The following SLC16A8 variants were observed in gnomAD, a reference collection of about 807,000 sequenced individuals.
The protein encoded by SLC16A8 is solute carrier family 16 member 8.
A neutral mutation model predicts 22.4 loss-of-function variants in SLC16A8; 20 were observed. The observed-to-expected ratio is 0.89, with a 90% confidence interval of 0.63 to 1.30. The LOEUF (loss-of-function observed/expected upper bound fraction) is 1.30, where lower values mean the gene tolerates loss of function less well. Among genes scored for constraint, SLC16A8 ranks in the 50% most tolerant of loss-of-function variants. The pLI is 0.00. For missense variants in SLC16A8, 817 were observed against 740.3 expected (o/e 1.10, Z -1.20); for synonymous variants, 393 against 358.8 (o/e 1.10, Z -1.08).
At position 38,084,037 on chromosome 22, in the gene SLC16A8, C is replaced by G. The variant is rs2085963332; in HGVS notation, c.-378G>C. The G allele has an allele frequency of 6.5e-6, 1 of 152,672 alleles. No individual in the cohort carries two copies. The highest frequency in any genetic ancestry group is 1.5e-5 in the Non-Finnish European group (1 of 68,420). 9.5% of individuals were successfully genotyped at this position (152,672 alleles called of 1,614,324 possible). A position where few individuals can be genotyped will look rare whatever the true frequency, so the allele number is the denominator to read the frequency against. ...GGTCCAGCCTCACATCTCCTGAGGC[C>G]TGCAGGGAGGGGCCGCCGCCGCAGC... On this transcript the variant is annotated 5_prime_UTR_variant, in exon 1 of 6. Transcript: ENST00000681075.
intron 4 of SLC16A8, 50 bp from the exon 5 acceptor site, chr22:38,081,729 GC>G (rs949131063): frequency 2.7e-6 from 4 of 1,461,014 alleles, no homozygotes; most frequent in African/African-American, 2.9e-5. Context: ...CCCCTCCCTG[GC>G]CCCCACAGGA....
At chr22:38,079,953 G>A (rs559037488) in intron 5 of SLC16A8, among the ~76,000 whole-genome samples, 1 of 152,312 alleles carries the variant, frequency 6.6e-6, no homozygotes, top group Admixed American at 6.5e-5. Context: ...AGAGCTCAGT[G>A]AGGGCACTCG....
Position 38,078,541 on chromosome 22 carries a change from A to T in SLC16A8, c.1362T>A (p.Thr454=). The change falls in exon 6 of 6, where the codon ACT becomes ACA. Residue 454 remains threonine (T), a synonymous_variant. Transcript: ENST00000681075. ...AGTCCCCTTCAGCCTCAGCGTCCTC[A>T]GTGTCACTGGCTCCGCCCTCAGTGC... ...GPGTEGGASD[T]EDAEAEGDSE... 6.2e-7 allele frequency: 1 copy of T among 1,614,166 alleles called. No homozygotes were observed. Among genetic ancestry groups the T allele is most frequent in the Non-Finnish European group, 8.5e-7 (1 of 1,180,028 alleles).
At chr22:38,079,489 T>A (rs1450328599) in intron 5 of SLC16A8, among the ~76,000 whole-genome samples, 1 of 152,206 alleles carries the variant, frequency 6.6e-6, no homozygotes, top group African/African-American at 2.4e-5. Context: ...TGGTGCCATC[T>A]TGGCTCACTG....
Position 38,082,831 on chromosome 22 carries a change from C to G in SLC16A8, c.43G>C (p.Gly15Arg). Residue 15 changes from glycine to arginine, a missense_variant, in exon 3 of 6, where the codon GGC (glycine) becomes CGC (arginine). Transcript: ENST00000681075. ...CCCAGCACCACCCAGCCCCAGCCGC[C>G]GTCTGGGGGGCCCTCGCCCCGCCGG... ...GPRRGEGPPD[G>R]GWGWVVLGAC... 6.3e-7 allele frequency: 1 copy of G among 1,575,768 alleles called. No homozygotes were observed. Among genetic ancestry groups the G allele is most frequent in the Non-Finnish European group, 8.6e-7 (1 of 1,165,514 alleles).
Position 38,081,249 on chromosome 22 carries a change from C to A in SLC16A8, c.789G>T (p.Met263Ile). The change falls in exon 5 of 6, where the codon ATG becomes ATT. Residue 263 changes from methionine to isoleucine, a missense_variant. Transcript: ENST00000681075. ...FAVYAVTKFL[M>I]ALGLFVPAIL... ...TGGCGGGGACGAAGAGCCCGAGCGC[C>A]ATCAGGAACTTGGTGACGGCGTACA... The A allele has an allele frequency of 6.3e-7, 1 of 1,586,666 alleles. No individual in the cohort carries two copies. Among genetic ancestry groups the A allele is most frequent in the Non-Finnish European group, 8.6e-7 (1 of 1,167,050 alleles).
chr22:38,083,633 C>T lies in SLC16A8; in HGVS notation c.-328-272G>A, dbSNP rs116169096. Among the ~76,000 whole-genome samples the T allele has an allele frequency of 3.4e-3, 522 of 152,352 alleles. 6 individuals are homozygous for T. Among genetic ancestry groups the T allele is most frequent in the African/African-American group, 0.012 (491 of 41,586 alleles). The stretch of plus-strand genomic sequence containing the variant: ...AGCACTGAGAGAGTGGCCTTCTGCC[C>T]TCCAAACCTCAAACCCTCTATATGA... On this transcript the variant is annotated intron_variant, in intron 1 of 5. Coordinates refer to ENST00000681075, the MANE Select transcript of SLC16A8 (RefSeq NM_013356.3).
At chr22:38,079,951 G>A (rs2085892417) in intron 5 of SLC16A8, among the ~76,000 whole-genome samples, 1 of 152,182 alleles carries the variant, frequency 6.6e-6, no homozygotes, top group Non-Finnish European at 1.5e-5. Context: ...ACAGAGCTCA[G>A]TGAGGGCACT....
intron 5 of SLC16A8, 65 bp from the exon 6 acceptor site, chr22:38,078,769 C>T: frequency 6.9e-7 from 1 of 1,453,822 alleles, no homozygotes. Flanking sequence ...CACTCTCCTG[C>T]ACTCTCAGGT....
intron 5 of SLC16A8, among the ~76,000 whole-genome samples, chr22:38,080,500 G>A (rs765756854): frequency 4.9e-4 from 75 of 152,130 alleles, no homozygotes; most frequent in Non-Finnish European, 5.1e-4. Flanking sequence ...CTCTCATTCT[G>A]GGGCTGCAAC....
In SLC16A8 at chr22:38,081,096, A is replaced by ACGCGCCAGG. The variant is rs1049681587; in HGVS notation, c.933_941dup (p.Ala313_Leu315dup). 1.9e-6 allele frequency: 3 copies of ACGCGCCAGG among 1,557,296 alleles called. No homozygotes were observed. Among genetic ancestry groups the ACGCGCCAGG allele is most frequent in the African/African-American group, 2.7e-5 (2 of 73,744 alleles). On this transcript the variant is annotated inframe_insertion, in exon 5 of 6. Coordinates refer to ENST00000681075, the MANE Select transcript of SLC16A8 (RefSeq NM_013356.3). ...ACAGATACGGGACGTGCGGCCGCAGACGCGCCAGGCCCGCCAGGGCGCCGC... is the reference window on the plus strand; with the variant it reads ...ACAGATACGGGACGTGCGGCCGCAGACGCGCCAGGCGCGCCAGGCCCGCCAGGGCGCCGC...
chr22:38,083,473 G>A (rs2145902773), intron 1 of SLC16A8, 112 bp from the exon 2 acceptor site: 1 of 152,492 alleles, frequency 6.6e-6, no homozygotes, highest in African/African-American at 2.4e-5. Flanking sequence ...CCTGACTTGG[G>A]CCGGTCGCCT....
Position 38,081,996 on chromosome 22 carries a change from C to G in SLC16A8, c.251G>C (p.Cys84Ser). The change falls in exon 4 of 6, where the codon TGT becomes TCT. Residue 84 changes from cysteine (C) to serine (S), a missense_variant. Cys to Ser is a moderately radical substitution (Grantham distance 112). Coordinates refer to ENST00000681075, the MANE Select transcript of SLC16A8 (RefSeq NM_013356.3). ...CCCACCCGCCAGCATCACCGGGCGA[C>G]AGCCAAAGCGGGTCACGAGGATGCT... ...VSSILVTRFG[C>S]RPVMLAGGLL... The G allele has an allele frequency of 5.1e-6, 8 of 1,577,550 alleles. No homozygotes were observed. The highest frequency in any genetic ancestry group is 6.9e-6 in the Non-Finnish European group (8 of 1,162,132).
At position 38,078,291 on chromosome 22, in the gene SLC16A8, G is replaced by A; in HGVS notation, c.*97C>T. The A allele has an allele frequency of 2.4e-6, 3 of 1,230,802 alleles. No homozygotes were observed. The South Asian group carries it at 4.3e-5, about 18-fold the overall frequency. The allele number at this position is 1,230,802 out of a possible 1,614,324, so 76.2% of individuals were successfully genotyped here. On this transcript the variant is annotated 3_prime_UTR_variant, in exon 6 of 6. Coordinates refer to ENST00000681075, the MANE Select transcript of SLC16A8 (RefSeq NM_013356.3). ...TGGAGCCCAGACGTGGACCCCGGGAGTGACCACCCCAGACCAGCCTCCCAG... is the reference window on the plus strand; with the variant it reads ...TGGAGCCCAGACGTGGACCCCGGGAATGACCACCCCAGACCAGCCTCCCAG...
rs1049020698 is a variant in SLC16A8, at chr22:38,083,126, C to T, written c.-93G>A. ...CCTGACTCTGCACCTCTGCAGGCTC[C>T]CTCTGAAGGACAACTGCTGGCCCCT... On this transcript the variant is annotated 5_prime_UTR_variant, in exon 2 of 6. Coordinates refer to ENST00000681075, the MANE Select transcript of SLC16A8 (RefSeq NM_013356.3). The T allele has an allele frequency of 7.7e-6, 4 of 520,192 alleles. No individual in the cohort carries two copies. The highest frequency in any genetic ancestry group is 7.7e-5 in the African/African-American group (4 of 52,178). 32.2% of individuals were successfully genotyped at this position (520,192 alleles called of 1,614,324 possible). A position where few individuals can be genotyped will look rare whatever the true frequency, so the allele number is the denominator to read the frequency against.
At chr22:38,081,854 C>A in intron 4 of SLC16A8, 35 bp downstream of exon 4, 1 of 1,574,072 alleles carries the variant, frequency 6.4e-7, no homozygotes, top group Non-Finnish European at 8.6e-7. Flanking sequence ...CCCCCGACCC[C>A]CAACCCAGCG....
chr22:38,081,882 C>G lies in SLC16A8; in HGVS notation c.358+7G>C. The G allele has an allele frequency of 6.3e-7, 1 of 1,592,630 alleles. No homozygotes were observed. Among genetic ancestry groups the G allele is most frequent in the African/African-American group, 1.3e-5 (1 of 74,646 alleles). ...ACCCAGCGGAGAGGAGACCAGGGGG[C>G]CCTCACCTGTGAGCACCCCAGCGGT... is the stretch of plus-strand genomic sequence containing the variant. On this transcript the variant is annotated splice_region_variant and intron_variant, in intron 4 of 5. Transcript: ENST00000681075.
chr22:38,083,830 TGGGCA>T lies in SLC16A8; in HGVS notation c.-329+153_-329+157del, dbSNP rs533122279. Among the ~76,000 whole-genome samples, 564 of 140,906 alleles carry T rather than the reference TGGGCA, an allele frequency of 4.0e-3. 1 individual carries two copies. The highest frequency in any genetic ancestry group is 0.014 in the African/African-American group (514 of 36,960). The allele number at this position is 140,906 out of a possible 152,430, so 92.4% of individuals were successfully genotyped here. A position where few individuals can be genotyped will look rare whatever the true frequency, so the allele number is the denominator to read the frequency against. On this transcript the variant is annotated intron_variant, in intron 1 of 5. Coordinates refer to ENST00000681075, the MANE Select transcript of SLC16A8 (RefSeq NM_013356.3). ...CTGCCTGGAGTGTCCCTCCTGGCAC[TGGGCA>T]GTGCCACCACCCCCAGGGTATCCGG...
intron 3 of SLC16A8, among the ~76,000 whole-genome samples, chr22:38,082,295 CTG>C (rs942358273): frequency 2.0e-5 from 3 of 152,256 alleles, no homozygotes; most frequent in Non-Finnish European, 2.9e-5. Flanking sequence ...CTGGCACAGA[CTG>C]GGATTCCTCC....
Sources: allele counts gnomAD v4.1 joint callset (sites outside exome capture counted in the v4.1 genomes callset), GRCh38; gene constraint gnomAD v4.1.1; transcripts MANE v1.5; gene names NCBI Gene and HGNC (gene_info 2026-07-23, HGNC 2026-07-21).